Variants in ASAH2 observed in about 807,000 individuals in gnomAD.
ASAH2 encodes the protein neutral ceramidase.
A neutral mutation model predicts 82.9 loss-of-function variants in ASAH2; 58 were observed. The ratio of observed to expected loss-of-function variants is 0.70; its 90% CI spans 0.57 to 0.87. The LOEUF (loss-of-function observed/expected upper bound fraction) is 0.87, where lower values mean the gene tolerates loss of function less well. ASAH2 is among the 40% of genes least tolerant of loss of function. The probability of loss-of-function intolerance (pLI) is 0.00; values close to 1 mark genes in which losing one functional copy is unlikely to be tolerated. For missense variants in ASAH2, 779 were observed against 834.0 expected (o/e 0.93, Z 0.81); for synonymous variants, 276 against 289.7 (o/e 0.95, Z 0.48).
In ASAH2 at chr10:50,202,157, T is replaced by C. The variant is rs896011341; in HGVS notation, c.1761+672A>G. Among the ~76,000 whole-genome samples the C allele has an allele frequency of 3.3e-5, 5 of 152,206 alleles. No homozygotes were observed. The South Asian group carries it at 1.0e-3, about 32-fold the overall frequency. On this transcript the variant is annotated intron_variant, in intron 16 of 20. Coordinates refer to ENST00000682911, the MANE Select transcript of ASAH2 (RefSeq NM_019893.4). ...GTAGCAGGGCAGAGTCTACTCTTAG[T>C]ATCACTGAATATTTACCAAGGGGTA...
At chr10:50,243,145 C>A (rs1846347563) in intron 4 of ASAH2, 57 bp downstream of exon 4, 1 of 1,585,494 alleles carries the variant, frequency 6.3e-7, no homozygotes, top group Non-Finnish European at 8.6e-7. Context: ...TCACATTCAC[C>A]CACTTTTCCT....
At chr10:50,207,992 T>C (rs1410654230) in intron 12 of ASAH2, among the ~76,000 whole-genome samples, 2 of 151,982 alleles carry the variant, frequency 1.3e-5, no homozygotes, top group Non-Finnish European at 2.9e-5. Context: ...ATTCCAGGAA[T>C]ACAAAGTTGG....
intron 12 of ASAH2, 133 bp from the exon 13 acceptor site, chr10:50,206,230 C>A: frequency 1.3e-6 from 1 of 752,738 alleles, no homozygotes; most frequent in African/African-American, 1.7e-5. Context: ...TCAATGATTC[C>A]AAACAGTTTG....
chr10:50,225,197 GGCCAAGGCAGGA>G (rs1845848103), intron 7 of ASAH2, among the ~76,000 whole-genome samples: 1 of 152,140 alleles, frequency 6.6e-6, no homozygotes, highest in Non-Finnish European at 1.5e-5. Context: ...CACTTTGGGA[GGCCAAGGCAGGA>G]GTTTGAAACC....
chr10:50,240,130 C>G (rs1287103800), intron 4 of ASAH2, among the ~76,000 whole-genome samples: 1 of 152,088 alleles, frequency 6.6e-6, no homozygotes, highest in Non-Finnish European at 1.5e-5. Context: ...ACCCGGCTGA[C>G]TCACATTTAA....
intron 12 of ASAH2, 59 bp downstream of exon 12, chr10:50,210,764 G>T: frequency 7.5e-7 from 1 of 1,340,732 alleles, no homozygotes; most frequent in Non-Finnish European, 1.1e-6. Flanking sequence ...CCTGATCAGA[G>T]AACAGAACCC....
intron 16 of ASAH2, among the ~76,000 whole-genome samples, chr10:50,202,180 G>T (rs1845166400): frequency 6.6e-6 from 1 of 152,006 alleles, no homozygotes; most frequent in Admixed American, 6.6e-5. Flanking sequence ...TTACCAAGGG[G>T]TAGACTGTAT....
chr10:50,244,508 G>A (rs34001468), intron 3 of ASAH2, among the ~76,000 whole-genome samples: 33,274 of 152,094 alleles, frequency 0.22, 5,564 homozygotes, highest in African/African-American at 0.45. Context: ...ATTACTTGGA[G>A]GGAGGGAGTG....
intron 7 of ASAH2, among the ~76,000 whole-genome samples, chr10:50,221,575 C>T (rs1845743725): frequency 6.6e-6 from 1 of 151,626 alleles, no homozygotes; most frequent in Non-Finnish European, 1.5e-5. Flanking sequence ...GGTAACGTTA[C>T]CTGACCTAGG....
intron 18 of ASAH2, among the ~76,000 whole-genome samples, chr10:50,195,788 A>G (rs1423955398): frequency 5.9e-5 from 9 of 151,918 alleles, no homozygotes; most frequent in Non-Finnish European, 8.8e-5. Flanking sequence ...AAAATAAGCC[A>G]GGTACAGAAA....
At position 50,213,028 on chromosome 10, in the gene ASAH2, G is replaced by C; in HGVS notation, c.1171C>G (p.Gln391Glu). ...PSMCIAKGPG[Q>E]DMFDSTQIIG... ...ATTTGTGTGCTGTCAAACATATCCT[G>C]TCCAGGTCCCTTAGCAATGCACATG... The change falls in exon 10 of 21, where the codon CAG becomes GAG. Residue 391 changes from glutamine to glutamate, a missense_variant. Physicochemically the swap from Gln to Glu is conservative, Grantham distance 29 (BLOSUM62 2). This residue lies in a region of ASAH2 where 759 missense variants were observed against 755.2 expected (regional missense o/e 1.00). Transcript: ENST00000682911. 3 of 1,613,704 alleles carry C rather than the reference G, an allele frequency of 1.9e-6. No homozygotes were observed. The highest frequency in any genetic ancestry group is 1.7e-6 in the Non-Finnish European group (2 of 1,179,682).
At position 50,243,206 on chromosome 10, in the gene ASAH2, A is replaced by G. The variant is rs777650259; in HGVS notation, c.506T>C (p.Leu169Pro). 3 of 1,614,024 alleles carry G rather than the reference A, an allele frequency of 1.9e-6. No individual in the cohort carries two copies. In the East Asian group the frequency reaches 6.7e-5, roughly 36 times the overall value. ...TTCTCCTCTCAAATCACTTACCTCC[A>G]GCCTGAGCCTTTGTGATACCATGCC... ...DIGMVSQRLRLEVLNRLQSKY... is the reference protein window; with the variant it reads ...DIGMVSQRLRPEVLNRLQSKY... Residue 169 changes from leucine to proline, a missense_variant, in exon 4 of 21, where the codon CTG (leucine) becomes CCG (proline). Physicochemically the swap from Leu to Pro is moderately conservative, Grantham distance 98. Transcript: ENST00000682911.
intron 7 of ASAH2, among the ~76,000 whole-genome samples, chr10:50,230,820 C>T (rs1846003360): frequency 1.3e-5 from 2 of 151,982 alleles, no homozygotes; most frequent in African/African-American, 4.8e-5. Context: ...GGTGGAGGAT[C>T]ACTTGAGACC....
In ASAH2 at chr10:50,233,096, G is replaced by A. The variant is rs998016320; in HGVS notation, c.893+88C>T. 3 of 1,017,566 alleles carry A rather than the reference G, an allele frequency of 2.9e-6. No homozygotes were observed. The African/African-American group carries it at 4.7e-5, about 16-fold the overall frequency. The allele number at this position is 1,017,566 out of a possible 1,614,324, so 63.0% of individuals were successfully genotyped here. ...TAACCACACAACTTATTCTCAGTGT[G>A]TGCTGGTACTATTCTAGTCTCTTTT... On this transcript the variant is annotated intron_variant, in intron 7 of 20. Transcript: ENST00000682911.
chr10:50,205,699 A>C (rs1845274642), intron 13 of ASAH2, among the ~76,000 whole-genome samples: 1 of 151,986 alleles, frequency 6.6e-6, no homozygotes, highest in African/African-American at 2.4e-5. Flanking sequence ...ACCAACAAAA[A>C]TAAATTCTGA....
chr10:50,204,173 G>T (rs1845232104), intron 14 of ASAH2, among the ~76,000 whole-genome samples: 1 of 151,898 alleles, frequency 6.6e-6, no homozygotes, highest in South Asian at 2.1e-4. Context: ...AGCTACTGGA[G>T]GGTTTTGAGC....
At chr10:50,197,075 C>A (rs1164467224) in intron 17 of ASAH2, among the ~76,000 whole-genome samples, 156 bp from the exon 18 acceptor site, 2 of 147,656 alleles carry the variant, frequency 1.4e-5, no homozygotes, top group African/African-American at 5.1e-5. Context: ...AGGAAGGTAG[C>A]CTTGCTAAGC....
intron 8 of ASAH2, among the ~76,000 whole-genome samples, chr10:50,218,277 A>T (rs866343887): frequency 6.6e-6 from 1 of 152,238 alleles, no homozygotes; most frequent in Non-Finnish European, 1.5e-5. Context: ...TAATAACTTT[A>T]TGAAGCAATG....
At chr10:50,225,106 A>G (rs1166098162) in intron 7 of ASAH2, among the ~76,000 whole-genome samples, 2 of 152,204 alleles carry the variant, frequency 1.3e-5, no homozygotes, top group Admixed American at 1.3e-4. Flanking sequence ...TCTAAATAAC[A>G]ATATTGGAGA....
Sources: allele counts gnomAD v4.1 joint callset (sites outside exome capture counted in the v4.1 genomes callset), GRCh38; gene constraint gnomAD v4.1.1; regional missense constraint gnomAD v4.1.1; transcripts MANE v1.5; gene names NCBI Gene and HGNC (gene_info 2026-07-23, HGNC 2026-07-21).